Variants in SPAG16 observed in about 807,000 individuals in gnomAD.
SPAG16 encodes the protein sperm-associated antigen 16 protein.
Under a neutral mutation model 80.4 loss-of-function variants are expected in SPAG16, and 86 were observed. That is an observed-to-expected ratio of 1.07 (90% CI 0.90 to 1.28). The LOEUF is 1.28. Among genes scored for constraint, SPAG16 ranks in the 50% most tolerant of loss-of-function variants. The pLI is 0.00. For missense variants in SPAG16, 870 were observed against 765.3 expected (o/e 1.14, Z -1.61); for synonymous variants, 294 against 265.9 (o/e 1.11, Z -1.03).
At chr2:214,381,070 T>C (rs1196581967) in intron 15 of SPAG16, among the ~76,000 whole-genome samples, 2 of 152,228 alleles carry the variant, frequency 1.3e-5, no homozygotes, top group Admixed American at 6.5e-5. Context: ...CTACCTTTTT[T>C]TCCCCAGGAA....
At chr2:213,307,341 G>T in intron 3 of SPAG16, among the ~76,000 whole-genome samples, 1 of 138,372 alleles carries the variant, frequency 7.2e-6, no homozygotes, top group Middle Eastern at 3.5e-3. Context: ...ATCTCCCAAT[G>T]CTATCCCTCC....
intron 10 of SPAG16, among the ~76,000 whole-genome samples, chr2:213,554,420 A>G (rs1054023816): frequency 1.3e-5 from 2 of 152,338 alleles, no homozygotes; most frequent in African/African-American, 2.4e-5. Context: ...AAGAGGTCCA[A>G]CAAATGTGCA....
chr2:214,174,767 G>A (rs1342008334), intron 15 of SPAG16, among the ~76,000 whole-genome samples: 2 of 151,636 alleles, frequency 1.3e-5, no homozygotes, highest in Admixed American at 1.3e-4. Context: ...GTCACTCTGG[G>A]CATAAACATC....
intron 10 of SPAG16, among the ~76,000 whole-genome samples, chr2:213,683,560 A>C (rs992768049): frequency 3.9e-5 from 6 of 152,168 alleles, no homozygotes; most frequent in Non-Finnish European, 8.8e-5. Flanking sequence ...CCAAAAAAAA[A>C]AAAGATACAT....
chr2:213,338,674 A>G (rs1559425865), intron 5 of SPAG16, among the ~76,000 whole-genome samples: 1 of 152,242 alleles, frequency 6.6e-6, no homozygotes, highest in African/African-American at 2.4e-5. Flanking sequence ...ATGAAATACT[A>G]TGCAGCCATA....
intron 13 of SPAG16, among the ~76,000 whole-genome samples, chr2:214,030,794 T>C (rs937174989): frequency 5.9e-5 from 9 of 152,204 alleles, no homozygotes; most frequent in African/African-American, 1.7e-4. Flanking sequence ...GGGTCCCTTA[T>C]CTACTTCCCA....
In SPAG16 at chr2:213,618,117, G is replaced by T. The variant is rs191130980; in HGVS notation, c.1070+128027G>T. Reference sequence around the variant, plus strand: ...TAGAACCCACTTAGGATAGTTAGCTGATTAAAGTTTATCATATAACTATAG... The same window carrying T: ...TAGAACCCACTTAGGATAGTTAGCTTATTAAAGTTTATCATATAACTATAG... On this transcript the variant is annotated intron_variant, in intron 10 of 15. Transcript: ENST00000331683. Among the ~76,000 whole-genome samples, 54 of 152,254 alleles carry T rather than the reference G, an allele frequency of 3.5e-4. 1 individual carries two copies. In the Middle Eastern group the frequency reaches 0.02, roughly 58 times the overall value.
intron 13 of SPAG16, among the ~76,000 whole-genome samples, chr2:214,053,541 T>G (rs1031390076): frequency 2.6e-5 from 4 of 152,138 alleles, no homozygotes; most frequent in Non-Finnish European, 4.4e-5. Flanking sequence ...AAAGAAACCT[T>G]TCCCCAGAAA....
At chr2:213,918,395 G>A (rs2106197456) in intron 11 of SPAG16, among the ~76,000 whole-genome samples, 1 of 140,498 alleles carries the variant, frequency 7.1e-6, no homozygotes, top group East Asian at 2.3e-4. Context: ...GAATCTATCT[G>A]GTCCTGGGTT....
At chr2:213,367,100 C>T (rs1022547652) in intron 8 of SPAG16, among the ~76,000 whole-genome samples, 18 of 152,140 alleles carry the variant, frequency 1.2e-4, no homozygotes, top group African/African-American at 4.3e-4. Context: ...ATCCATGTCC[C>T]TACAAAGGAC....
At chr2:213,364,852 A>G (rs1395007535) in intron 8 of SPAG16, 1 of 152,250 alleles carries the variant, frequency 6.6e-6, no homozygotes, top group Non-Finnish European at 1.5e-5. Context: ...AACATTGCAA[A>G]TCTGGCCATG....
intron 10 of SPAG16, among the ~76,000 whole-genome samples, chr2:213,648,771 ACTC>A (rs2062918535): frequency 6.6e-6 from 1 of 152,120 alleles, no homozygotes; most frequent in Admixed American, 6.6e-5. Flanking sequence ...TCCTCCATCA[ACTC>A]AAATTTTAAA....
At chr2:213,924,162 G>A (rs1238584879) in intron 11 of SPAG16, among the ~76,000 whole-genome samples, 2 of 152,188 alleles carry the variant, frequency 1.3e-5, no homozygotes, top group Non-Finnish European at 2.9e-5. Context: ...CTGCAACTAT[G>A]CCTTTATTCA....
chr2:213,312,077 T>C (rs988892007), intron 4 of SPAG16, among the ~76,000 whole-genome samples: 5 of 151,666 alleles, frequency 3.3e-5, no homozygotes, highest in South Asian at 2.1e-4. Context: ...AACACAGATA[T>C]AACCTTTCTT....
In SPAG16 at chr2:214,157,324, A is replaced by C. The variant is rs1217205056; in HGVS notation, c.1720+8058A>C. 2.6e-5 allele frequency among the ~76,000 whole-genome samples: 4 copies of C among 152,280 alleles called. No individual in the cohort carries two copies. In the East Asian group the frequency reaches 7.7e-4, roughly 29 times the overall value. On this transcript the variant is annotated intron_variant, in intron 15 of 15. Transcript: ENST00000331683. ...ATGTTCTTACAGTTCTGTAAAAGTCAGAATTGCATTTCATTAAAATGTAAT... is the reference window on the plus strand; with the variant it reads ...ATGTTCTTACAGTTCTGTAAAAGTCCGAATTGCATTTCATTAAAATGTAAT...
At chr2:213,950,131 T>G (rs2079673625) in intron 12 of SPAG16, among the ~76,000 whole-genome samples, 1 of 152,220 alleles carries the variant, frequency 6.6e-6, no homozygotes, top group Non-Finnish European at 1.5e-5. Flanking sequence ...TGTTAATATA[T>G]TCTAGCTAGA....
rs2060532382 is a variant in SPAG16 at position 213,588,110 on chromosome 2, TA to T, written c.1070+98024del. 2.0e-5 allele frequency among the ~76,000 whole-genome samples: 3 copies of T among 152,324 alleles called. No individual in the cohort carries two copies. The South Asian group carries it at 6.2e-4, about 32-fold the overall frequency. ...TAATCTTTTTAGTATGGTTCCTATA[TA>T]AAATGAAATGTAACATTTATCCTGT... On this transcript the variant is annotated intron_variant, in intron 10 of 15. Coordinates refer to ENST00000331683, the MANE Select transcript of SPAG16 (RefSeq NM_024532.5).
chr2:214,167,651 C>G (rs2056711873), intron 15 of SPAG16, among the ~76,000 whole-genome samples: 1 of 151,818 alleles, frequency 6.6e-6, no homozygotes, highest in Non-Finnish European at 1.5e-5. Context: ...TTCTAAATGT[C>G]TTATAATTAC....
At chr2:214,210,566 A>T (rs1218605482) in intron 15 of SPAG16, among the ~76,000 whole-genome samples, 1 of 152,096 alleles carries the variant, frequency 6.6e-6, no homozygotes, top group East Asian at 1.9e-4. Flanking sequence ...ATTTCCAAAG[A>T]TCAATTGTGT....
Sources: gnomAD v4.1 joint callset for allele counts (sites outside exome capture counted in the v4.1 genomes callset) on GRCh38, gnomAD v4.1.1 for gene constraint, MANE v1.5 for transcripts, NCBI Gene and HGNC (gene_info 2026-07-23, HGNC 2026-07-21) for gene names.